Variants in WDFY4 observed in about 807,000 individuals in gnomAD.
WDFY4 encodes the protein WDFY family member 4, also known as WD repeat- and FYVE domain-containing protein 4.
In WDFY4, 169 loss-of-function variants were observed where a neutral mutation model predicts 351.9. The ratio of observed to expected loss-of-function variants is 0.48; its 90% confidence interval spans 0.42 to 0.55. The LOEUF (loss-of-function observed/expected upper bound fraction) is 0.55, where lower values mean the gene tolerates loss of function less well. Among genes scored for constraint, WDFY4 ranks in the 20% least tolerant of loss-of-function variants. The pLI is 0.00. For synonymous variants in WDFY4, 1,622 were observed against 1,574.6 expected (o/e 1.03, Z -0.71); for missense variants, 3,803 against 3,935.6 (o/e 0.97, Z 0.90).
chr10:48,764,275 T>C (rs1422138063), intron 13 of WDFY4, among the ~76,000 whole-genome samples: 1 of 152,178 alleles, frequency 6.6e-6, no homozygotes, highest in Non-Finnish European at 1.5e-5. Context: ...CAGAGGTTCT[T>C]TTCCCCTCCA....
chr10:48,761,881 G>A (rs934767407), intron 13 of WDFY4, among the ~76,000 whole-genome samples: 4 of 152,174 alleles, frequency 2.6e-5, no homozygotes, highest in Non-Finnish European at 4.4e-5. Flanking sequence ...CAGTTTTGTC[G>A]AGGGCATCAA....
At chr10:48,763,542 G>A (rs1448087290) in intron 13 of WDFY4, among the ~76,000 whole-genome samples, 2 of 152,144 alleles carry the variant, frequency 1.3e-5, no homozygotes, top group East Asian at 1.9e-4. Flanking sequence ...AATCCACTGC[G>A]GCCTCTTACA....
chr10:48,867,591 A>G (rs1262274087), intron 40 of WDFY4, among the ~76,000 whole-genome samples: 1 of 152,252 alleles, frequency 6.6e-6, no homozygotes, highest in Non-Finnish European at 1.5e-5. Context: ...CATGCCAGTC[A>G]GAGCTTTATT....
chr10:48,714,197 G>A (rs952313739), intron 2 of WDFY4, among the ~76,000 whole-genome samples: 1 of 152,240 alleles, frequency 6.6e-6, no homozygotes, highest in Non-Finnish European at 1.5e-5. Flanking sequence ...CTGTAGGTCT[G>A]CATTATTAAC....
At chr10:48,957,345 TG>T in intron 52 of WDFY4, 63 bp downstream of exon 52, 1 of 1,525,822 alleles carries the variant, frequency 6.6e-7, no homozygotes, top group Non-Finnish European at 8.9e-7. Context: ...CCACAGCCCC[TG>T]GGTGATGACC....
rs1287019683 is a variant in WDFY4, at chr10:48,974,518, A to AAAAAAAAAAAAACAAC, written c.8929-333_8929-332insACAACAAAAAAAAAAA. On this transcript the variant is annotated intron_variant, in intron 57 of 61. Transcript: ENST00000325239. ...ACTCCGTCTCAAAAAAAAAAAAAAA[A>AAAAAAAAAAAAACAAC]AAAAAAAAAAACAACTCATGACATG... Among the ~76,000 whole-genome samples the AAAAAAAAAAAAACAAC allele has an allele frequency of 7.7e-3, 215 of 28,056 alleles. 7 individuals are homozygous for AAAAAAAAAAAAACAAC. The highest frequency in any genetic ancestry group is 0.032 in the Non-Finnish European group (171 of 5,262). The allele number at this position is 28,056 out of a possible 152,430, so 18.4% of individuals were successfully genotyped here.
intron 2 of WDFY4, 48 bp downstream of exon 2, chr10:48,710,014 C>T (rs1287333467): frequency 6.8e-7 from 1 of 1,478,684 alleles, no homozygotes; most frequent in South Asian, 1.3e-5. Flanking sequence ...CGCTCTGGGA[C>T]ACTTCTGGGA....
intron 13 of WDFY4, among the ~76,000 whole-genome samples, chr10:48,771,169 A>G (rs1314866852): frequency 2.8e-4 from 43 of 152,212 alleles, no homozygotes; most frequent in Non-Finnish European, 1.0e-4. Flanking sequence ...CAATCTAGAA[A>G]TTGTTGATGA....
intron 2 of WDFY4, among the ~76,000 whole-genome samples, chr10:48,716,049 C>T (rs1313246328): frequency 6.6e-6 from 1 of 152,168 alleles, no homozygotes; most frequent in Non-Finnish European, 1.5e-5. Context: ...GTGGGACCTG[C>T]AACATGGTTT....
chr10:48,737,987 A>G (rs774499287), intron 11 of WDFY4, among the ~76,000 whole-genome samples: 2 of 152,030 alleles, frequency 1.3e-5, no homozygotes, highest in Non-Finnish European at 2.9e-5. Context: ...CTGAGAGTTC[A>G]CTCCACTTCA....
chr10:48,980,782 G>A (rs1209068276), intron 60 of WDFY4, among the ~76,000 whole-genome samples: 2 of 152,108 alleles, frequency 1.3e-5, no homozygotes, highest in Admixed American at 6.5e-5. Context: ...TCGCAGGGAC[G>A]TACCCAGCTG....
rs757961242 is a variant in WDFY4, at chr10:48,721,356, G to A, written c.445G>A (p.Gly149Arg). Reference protein sequence around the residue: ...LLLKSVYVLTGTDSETLGRVA... With the variant: ...LLLKSVYVLTRTDSETLGRVA... ...CCTGAAGTCAGTGTACGTGCTCACG[G>A]GGACAGACTCGGTAAGTTTCAGACC... The change falls in exon 4 of 62, where the codon GGG becomes AGG. Residue 149 changes from glycine (G) to arginine (R), a missense_variant. By Grantham distance (125) the Gly-to-Arg change is moderately radical. Around this residue, in one of 3 missense-constraint regions of WDFY4, gnomAD observed 488 missense variants for 456.8 expected, o/e 1.07. Transcript: ENST00000325239. 33 of 1,551,514 alleles carry A rather than the reference G, an allele frequency of 2.1e-5. No homozygotes were observed. In the East Asian group the frequency reaches 7.1e-4, roughly 33 times the overall value.
intron 13 of WDFY4, among the ~76,000 whole-genome samples, chr10:48,773,473 A>C (rs2065932819): frequency 1.3e-5 from 2 of 152,222 alleles, no homozygotes; most frequent in African/African-American, 4.8e-5. Flanking sequence ...GATAATTCCA[A>C]AGATTTATCT....
At chr10:48,888,978 C>G (rs2070579883) in intron 43 of WDFY4, among the ~76,000 whole-genome samples, 1 of 152,224 alleles carries the variant, frequency 6.6e-6, no homozygotes, top group South Asian at 2.1e-4. Context: ...TCTTGTATAT[C>G]TTGTCCACCT....
At position 48,849,325 on chromosome 10, in the gene WDFY4, C is replaced by CTCCA. The variant is rs1357822329; in HGVS notation, c.6663+16617_6663+16620dup. Among the ~76,000 whole-genome samples the CTCCA allele has an allele frequency of 2.6e-5, 4 of 152,338 alleles. No individual in the cohort carries two copies. The East Asian group carries it at 7.7e-4, about 29-fold the overall frequency. ...AACTATCCATAGAATACATGACCATCTCCAGTTTGGTGAATTCTGCACCAT... is the reference window on the plus strand; with the variant it reads ...AACTATCCATAGAATACATGACCATCTCCATCCAGTTTGGTGAATTCTGCACCAT... On this transcript the variant is annotated intron_variant, in intron 39 of 61. Transcript: ENST00000325239.
intron 54 of WDFY4, among the ~76,000 whole-genome samples, chr10:48,965,198 C>T (rs1485045439): frequency 6.6e-6 from 1 of 152,182 alleles, no homozygotes; most frequent in South Asian, 2.1e-4. Flanking sequence ...TACTCATAGC[C>T]CTTGTCCACA....
chr10:48,890,487 C>A, intron 43 of WDFY4, 92 bp from the exon 44 acceptor site: 1 of 1,470,146 alleles, frequency 6.8e-7, no homozygotes, highest in Non-Finnish European at 9.2e-7. Context: ...CCAATTGCCC[C>A]ATGGATGGCT....
At chr10:48,853,376 C>A (rs772845640) in intron 39 of WDFY4, among the ~76,000 whole-genome samples, 8 of 152,162 alleles carry the variant, frequency 5.3e-5, no homozygotes, top group Non-Finnish European at 1.2e-4. Context: ...CTTAACTTTT[C>A]TTAGTTTGTC....
At chr10:48,763,826 T>A (rs1271247933) in intron 13 of WDFY4, among the ~76,000 whole-genome samples, 4 of 152,224 alleles carry the variant, frequency 2.6e-5, no homozygotes, top group Admixed American at 1.3e-4. Flanking sequence ...AGATGCCAAA[T>A]CAGCAGCTAT....
Sources: allele counts gnomAD v4.1 joint callset (sites outside exome capture counted in the v4.1 genomes callset), GRCh38; gene constraint gnomAD v4.1.1; regional missense constraint gnomAD v4.1.1; transcripts MANE v1.5; gene names NCBI Gene and HGNC (gene_info 2026-07-23, HGNC 2026-07-21).